ADAM23: variants seen among roughly 807,000 people sequenced by gnomAD.
The protein encoded by ADAM23 is disintegrin and metalloproteinase domain-containing protein 23.
A neutral mutation model predicts 120.1 loss-of-function variants in ADAM23; 33 were observed. The ratio of observed to expected loss-of-function variants is 0.27; its 90% CI spans 0.21 to 0.37. The LOEUF (loss-of-function observed/expected upper bound fraction) is 0.37. Among genes scored for constraint, ADAM23 ranks in the 10% least tolerant of loss-of-function variants. ADAM23 has a pLI of 1.00. For synonymous variants in ADAM23, 367 were observed against 375.2 expected (o/e 0.98, Z 0.25); for missense variants, 862 against 1,058.2 (o/e 0.81, Z 2.57).
intron 10 of ADAM23, 57 bp from the exon 11 acceptor site, chr2:206,559,898 T>A: frequency 6.7e-7 from 1 of 1,484,818 alleles, no homozygotes; most frequent in Non-Finnish European, 9.1e-7. Context: ...GACTCACTGA[T>A]CGTGCATGTT....
In ADAM23 at chr2:206,620,093, A is replaced by AT. The variant is rs1699026314; in HGVS notation, c.*2469dup. 6.6e-6 allele frequency: 1 copy of AT among 152,222 alleles called. No homozygotes were observed. Among genetic ancestry groups the AT allele is most frequent in the African/African-American group, 2.4e-5 (1 of 41,454 alleles). 9.4% of individuals were successfully genotyped at this position (152,222 alleles called of 1,614,324 possible). ...AACTGCTGTGAAGTACACCATACAC[A>AT]TTTCACTAAGATTCCAGAGCCACCT... On this transcript the variant is annotated 3_prime_UTR_variant, in exon 26 of 26. Transcript: ENST00000264377.
intron 3 of ADAM23, among the ~76,000 whole-genome samples, chr2:206,498,518 T>A (rs1481928050): frequency 6.6e-6 from 1 of 152,162 alleles, no homozygotes. Context: ...GATTAAAGAC[T>A]TACATGTTAG....
chr2:206,502,053 C>T (rs1273932971), intron 3 of ADAM23, among the ~76,000 whole-genome samples: 1 of 152,034 alleles, frequency 6.6e-6, no homozygotes. Context: ...AGAATAATGT[C>T]AAAAATGCAC....
At chr2:206,572,669 T>C (rs1698028330) in intron 17 of ADAM23, among the ~76,000 whole-genome samples, 1 of 152,230 alleles carries the variant, frequency 6.6e-6, no homozygotes, top group Non-Finnish European at 1.5e-5. Context: ...TATGAATTTA[T>C]TAAAATTTGA....
In ADAM23 at chr2:206,619,870, A is replaced by G. The variant is rs995874610; in HGVS notation, c.*2243A>G. On this transcript the variant is annotated 3_prime_UTR_variant, in exon 26 of 26. Coordinates refer to ENST00000264377, the MANE Select transcript of ADAM23 (RefSeq NM_003812.4). The stretch of plus-strand genomic sequence containing the variant: ...AGGACTAGGTGTACGTTTATTTTGT[A>G]ATAACAGGGCTATCTACAAGGCCTC... 6.6e-6 allele frequency: 1 copy of G among 152,244 alleles called. No individual in the cohort carries two copies. Among genetic ancestry groups the G allele is most frequent in the Non-Finnish European group, 1.5e-5 (1 of 68,054 alleles). 9.4% of individuals were successfully genotyped at this position (152,244 alleles called of 1,614,324 possible).
At chr2:206,514,385 A>G (rs1260705473) in intron 3 of ADAM23, among the ~76,000 whole-genome samples, 1 of 152,188 alleles carries the variant, frequency 6.6e-6, no homozygotes, top group Non-Finnish European at 1.5e-5. Context: ...TCAAGAGTTC[A>G]GTGGAGGAAG....
At chr2:206,584,007 TA>T (rs1249327493) in intron 18 of ADAM23, among the ~76,000 whole-genome samples, 2 of 152,140 alleles carry the variant, frequency 1.3e-5, no homozygotes, top group African/African-American at 4.8e-5. Context: ...AGGGAAGGTC[TA>T]GGGGTGAAGG....
chr2:206,567,505 A>T (rs537237015), intron 15 of ADAM23, among the ~76,000 whole-genome samples, 183 bp downstream of exon 15: 1 of 152,218 alleles, frequency 6.6e-6, no homozygotes, highest in African/African-American at 2.4e-5. Flanking sequence ...TGACAAAACC[A>T]TAGATTCAGC....
chr2:206,576,303 GTA>G lies in ADAM23; in HGVS notation c.1737+3111_1737+3112del, dbSNP rs559682399. 2.6e-3 allele frequency among the ~76,000 whole-genome samples: 397 copies of G among 152,002 alleles called. 2 individuals are homozygous for G. The highest frequency in any genetic ancestry group is 3.6e-3 in the Non-Finnish European group (243 of 67,948). Reference sequence around the variant, plus strand: ...TTCTGTGTATTCAGCCCTTTTAGAGGTATAGTTTTTTCATTTCAATCTTTAAC... The same window carrying G: ...TTCTGTGTATTCAGCCCTTTTAGAGGTAGTTTTTTCATTTCAATCTTTAAC... On this transcript the variant is annotated intron_variant, in intron 18 of 25. Transcript: ENST00000264377.
chr2:206,532,359 A>G (rs1255782186), intron 4 of ADAM23, among the ~76,000 whole-genome samples: 1 of 151,858 alleles, frequency 6.6e-6, no homozygotes, highest in African/African-American at 2.4e-5. Flanking sequence ...AGAATAGCTA[A>G]TTGGCCTCCA....
rs981761258 is a variant in ADAM23 at position 206,443,937 on chromosome 2, G to T, written c.71G>T (p.Gly24Val). The change falls in exon 1 of 26, where the codon GGC (glycine) becomes GTC (valine). Residue 24 changes from glycine (G) to valine (V), a missense_variant. This residue lies in a region of ADAM23 where 225 missense variants were observed against 204.0 expected (regional missense o/e 1.10). Transcript: ENST00000264377. The stretch of plus-strand genomic sequence containing the variant: ...TGCAGCCTTGCCGGCGCTTCCTGCG[G>T]CCCCCAACGCGGCCCCGCCGGCTCG... The part of the protein sequence containing the change: ...AGCSLAGASC[G>V]PQRGPAGSVP... 1 of 1,245,052 alleles carries T rather than the reference G, an allele frequency of 8.0e-7. No homozygotes were observed. The highest frequency in any genetic ancestry group is 1.6e-5 in the African/African-American group (1 of 63,662). 77.1% of individuals were successfully genotyped at this position (1,245,052 alleles called of 1,614,324 possible). A position where few individuals can be genotyped will look rare whatever the true frequency, so the allele number is the denominator to read the frequency against.
intron 24 of ADAM23, among the ~76,000 whole-genome samples, chr2:206,600,230 T>C (rs1423610165): frequency 2.6e-5 from 4 of 152,178 alleles, no homozygotes; most frequent in Admixed American, 1.3e-4. Flanking sequence ...CTGCATGTTG[T>C]ATCTTTTTTC....
In ADAM23 at chr2:206,567,274, CTT is replaced by C; in HGVS notation, c.1450_1451del (p.Leu484ThrfsTer17). 1 of 1,613,892 alleles carries C rather than the reference CTT, an allele frequency of 6.2e-7. No individual in the cohort carries two copies. The highest frequency in any genetic ancestry group is 8.5e-7 in the Non-Finnish European group (1 of 1,179,892). The stretch of plus-strand genomic sequence containing the variant: ...AGTGCAGCATTTTGGAGTATAGAGA[CTT>C]TTTACAGAGAGGAGGTGGAGCCTGC... Reference protein sequence around the residue: ...SKCSILEYRDFLQRGGGACLF... With the variant: ...SKCSILEYRDXLQRGGGACLF... On this transcript the variant is annotated frameshift_variant, in exon 15 of 26. Transcript: ENST00000264377. LOFTEE classifies it high-confidence loss of function.
chr2:206,567,111 G>GATTC (rs1330932551), intron 14 of ADAM23, 112 bp from the exon 15 acceptor site: 2 of 815,710 alleles, frequency 2.5e-6, no homozygotes, highest in African/African-American at 1.7e-5. Context: ...AATTTGTGTA[G>GATTC]ATTCATTTGG....
intron 21 of ADAM23, among the ~76,000 whole-genome samples, chr2:206,591,214 A>G (rs1196079969): frequency 1.3e-5 from 2 of 152,174 alleles, no homozygotes; most frequent in East Asian, 3.9e-4. Flanking sequence ...ATAAATAACA[A>G]ATAAATATAC....
rs1384204220 is a variant in ADAM23 at position 206,560,052 on chromosome 2, T to C, written c.1103T>C (p.Met368Thr). ...QIDITTNPVQ[M>T]LHEFSKYRQR... ...GACATCACCACCAACCCTGTGCAGA[T>C]GCTCCATGAGTTCTCAAAATACCGG... The change falls in exon 11 of 26, where the codon ATG (methionine) becomes ACG (threonine). Residue 368 changes from methionine (M) to threonine (T), a missense_variant. Transcript: ENST00000264377. 1 of 1,614,064 alleles carries C rather than the reference T, an allele frequency of 6.2e-7. No individual in the cohort carries two copies. The highest frequency in any genetic ancestry group is 8.5e-7 in the Non-Finnish European group (1 of 1,180,014).
rs1698779470 is a variant in ADAM23 at position 206,608,951 on chromosome 2, G to C, written c.2360-959G>C. Among the ~76,000 whole-genome samples the C allele has an allele frequency of 2.6e-5, 4 of 152,264 alleles. No homozygotes were observed. The East Asian group carries it at 5.8e-4, about 22-fold the overall frequency. On this transcript the variant is annotated intron_variant, in intron 24 of 25. Coordinates refer to ENST00000264377, the MANE Select transcript of ADAM23 (RefSeq NM_003812.4). ...AGGACTGAAAGTATTTTGTTGTTAG[G>C]GGACACTGTACCTGCATGTTAGCAT...
chr2:206,595,026 C>CA, intron 23 of ADAM23, 121 bp downstream of exon 23: 1 of 1,289,928 alleles, frequency 7.8e-7, no homozygotes, highest in Non-Finnish European at 1.1e-6. Flanking sequence ...ACTAAAAATG[C>CA]AAAAAATAGC....
chr2:206,573,153 C>G lies in ADAM23; in HGVS notation c.1695C>G (p.Asn565Lys). Residue 565 changes from asparagine to lysine, a missense_variant, in exon 18 of 26, where the codon AAC becomes AAG. Around this residue, in one of 4 missense-constraint regions of ADAM23, gnomAD observed 617 missense variants for 813.5 expected, o/e 0.76. Coordinates refer to ENST00000264377, the MANE Select transcript of ADAM23 (RefSeq NM_003812.4). ...PRGYECRDAV[N>K]ECDITEYCTG... ...GGTATGAATGCCGGGATGCTGTGAA[C>G]GAGTGTGATATTACTGAATATTGTA... 6.2e-7 allele frequency: 1 copy of G among 1,613,892 alleles called. No individual in the cohort carries two copies. Among genetic ancestry groups the G allele is most frequent in the Non-Finnish European group, 8.5e-7 (1 of 1,179,880 alleles).
Sources: allele counts gnomAD v4.1 joint callset (sites outside exome capture counted in the v4.1 genomes callset), GRCh38; gene constraint gnomAD v4.1.1; regional missense constraint gnomAD v4.1.1; transcripts MANE v1.5; gene names NCBI Gene and HGNC (gene_info 2026-07-23, HGNC 2026-07-21).